The following PGCKA1 variants were observed in gnomAD, a reference collection of about 807,000 sequenced individuals.
PGCKA1 encodes the protein PDCD10 and GCKIII kinases associated 1, also known as PDCD10 and GCKIII kinases-associated protein 1.
the PGCKA1 span, among the ~76,000 whole-genome samples, chr4:37,558,910 A>G: frequency 1.5e-5 from 2 of 133,028 alleles, no homozygotes; most frequent in Non-Finnish European, 3.2e-5. Context: ...ATCTCACACC[A>G]GTTAGAATGG....
At chr4:37,523,553 G>A in the PGCKA1 span, among the ~76,000 whole-genome samples, 8 of 152,088 alleles carry the variant, frequency 5.3e-5, no homozygotes, top group East Asian at 1.5e-3. Flanking sequence ...CTCCTATTCT[G>A]CCATCTTGCT....
chr4:37,471,182 A>G, the PGCKA1 span, among the ~76,000 whole-genome samples: 2 of 152,368 alleles, frequency 1.3e-5, no homozygotes, highest in East Asian at 1.9e-4. Context: ...GTTCTGCTCC[A>G]CAGTGAGCAG....
chr4:37,588,742 C>T, the PGCKA1 span: 1 of 785,406 alleles, frequency 1.3e-6, no homozygotes, highest in Non-Finnish European at 2.1e-6. Context: ...AAATGTGTGA[C>T]TCTCTTAATA....
chr4:37,515,183 C>T, the PGCKA1 span, among the ~76,000 whole-genome samples: 2 of 152,128 alleles, frequency 1.3e-5, no homozygotes, highest in African/African-American at 4.8e-5. Context: ...CTTTCTCACT[C>T]TCTTCCTGCC....
At chr4:37,573,289 T>G in the PGCKA1 span, among the ~76,000 whole-genome samples, 1 of 152,248 alleles carries the variant, frequency 6.6e-6, no homozygotes, top group Non-Finnish European at 1.5e-5. Flanking sequence ...TGCTATGTAT[T>G]TTATCAACAT....
the PGCKA1 span, among the ~76,000 whole-genome samples, chr4:37,509,988 AGGGAGG>A: frequency 8.0e-4 from 88 of 110,068 alleles, no homozygotes; most frequent in Admixed American, 2.1e-3. Flanking sequence ...GGAGAGGGAG[AGGGAGG>A]GGGAGGGGGA....
chr4:37,551,720 A>G, the PGCKA1 span, among the ~76,000 whole-genome samples: 67 of 152,364 alleles, frequency 4.4e-4, 2 homozygotes, highest in South Asian at 0.013. Flanking sequence ...AGCCATGTTT[A>G]GAAGGTGGTT....
chr4:37,553,882 G>C, the PGCKA1 span, among the ~76,000 whole-genome samples: 1 of 152,128 alleles, frequency 6.6e-6, no homozygotes, highest in African/African-American at 2.4e-5. Context: ...CTCTACTGAG[G>C]GTTTATAGTC....
the PGCKA1 span, among the ~76,000 whole-genome samples, chr4:37,580,349 A>T: frequency 7.5e-6 from 1 of 134,152 alleles, no homozygotes. Flanking sequence ...GTGGATGCTC[A>T]CTGGTGTCTG....
chr4:37,466,964 G>T, the PGCKA1 span, among the ~76,000 whole-genome samples: 1 of 152,294 alleles, frequency 6.6e-6, no homozygotes, highest in Admixed American at 6.5e-5. Flanking sequence ...TGGGCATGGT[G>T]GTGGGCACCT....
the PGCKA1 span, among the ~76,000 whole-genome samples, chr4:37,473,913 C>CCAAAT: frequency 1.3e-3 from 193 of 152,280 alleles, no homozygotes; most frequent in African/African-American, 4.4e-3. Context: ...CAGACCCCAT[C>CCAAAT]CAACTCAACT....
the PGCKA1 span, among the ~76,000 whole-genome samples, chr4:37,589,397 G>A: frequency 6.6e-6 from 1 of 151,952 alleles, no homozygotes; most frequent in South Asian, 2.1e-4. Context: ...GTGATGTTTG[G>A]CTTTATTCAA....
At chr4:37,500,302 A>T in the PGCKA1 span, among the ~76,000 whole-genome samples, 1 of 152,130 alleles carries the variant, frequency 6.6e-6, no homozygotes, top group Non-Finnish European at 1.5e-5. Flanking sequence ...TATGCCTGAG[A>T]TTCTGGTACG....
At chr4:37,521,173 C>T in the PGCKA1 span, among the ~76,000 whole-genome samples, 120 of 152,078 alleles carry the variant, frequency 7.9e-4, no homozygotes, top group African/African-American at 2.7e-3. Context: ...TGAAGTTTCT[C>T]CATTTTTTGC....
At chr4:37,517,880 A>G in the PGCKA1 span, among the ~76,000 whole-genome samples, 1 of 152,162 alleles carries the variant, frequency 6.6e-6, no homozygotes, top group Non-Finnish European at 1.5e-5. Context: ...TGTACCCATT[A>G]ACAATCCCCA....
At chr4:37,572,268 G>A in the PGCKA1 span, among the ~76,000 whole-genome samples, 6,554 of 150,962 alleles carry the variant, frequency 0.043, 359 homozygotes, top group African/African-American at 0.13. Flanking sequence ...GGGTTTCACC[G>A]TTTTAGCCGG....
At chr4:37,453,367 G>A in the PGCKA1 span, among the ~76,000 whole-genome samples, 1 of 152,134 alleles carries the variant, frequency 6.6e-6, no homozygotes, top group Non-Finnish European at 1.5e-5. Flanking sequence ...TCCCCCTGGG[G>A]CCTTTAGGGT....
chr4:37,454,508 T>C, the PGCKA1 span, among the ~76,000 whole-genome samples: 12 of 152,314 alleles, frequency 7.9e-5, no homozygotes, highest in South Asian at 6.2e-4. Context: ...TGCTGTTTCT[T>C]TGAAATGCCC....
the PGCKA1 span, among the ~76,000 whole-genome samples, chr4:37,467,292 C>G: frequency 6.6e-6 from 1 of 152,100 alleles, no homozygotes; most frequent in Non-Finnish European, 1.5e-5. Context: ...CAGAAAATAG[C>G]TGGAAGAATA....
Sources: gnomAD v4.1 joint callset for allele counts (sites outside exome capture counted in the v4.1 genomes callset) on GRCh38, gnomAD v4.1.1 for gene constraint, MANE v1.5 for transcripts, NCBI Gene and HGNC (gene_info 2026-07-23, HGNC 2026-07-21) for gene names.